The following MAPKAP1 variants were observed in gnomAD, a reference collection of about 807,000 sequenced individuals.
MAPKAP1 encodes MAPK associated protein 1.
Under a neutral mutation model 65.7 loss-of-function variants are expected in MAPKAP1, and 20 were observed. The ratio of observed to expected loss-of-function variants is 0.30; its 90% CI spans 0.21 to 0.44. MAPKAP1 has a LOEUF of 0.44. Among genes scored for constraint, MAPKAP1 ranks in the 20% least tolerant of loss-of-function variants. The probability of loss-of-function intolerance (pLI) is 1.00; values close to 1 mark genes in which losing one functional copy is unlikely to be tolerated. For synonymous variants in MAPKAP1, 222 were observed against 244.3 expected, an observed-to-expected ratio of 0.91 and a Z score of 0.85; for missense variants, 423 against 648.0, an observed-to-expected ratio of 0.65 and a Z score of 3.77.
At chr9:125,449,522 T>C (rs1282023274) in intron 10 of MAPKAP1, among the ~76,000 whole-genome samples, 2 of 152,224 alleles carry the variant, frequency 1.3e-5, no homozygotes, top group East Asian at 3.8e-4. Flanking sequence ...TCAGGGCAGA[T>C]ACTGAAACTG....
intron 4 of MAPKAP1, among the ~76,000 whole-genome samples, chr9:125,602,509 C>T (rs1832327538): frequency 3.9e-5 from 6 of 152,004 alleles, no homozygotes; most frequent in Admixed American, 3.9e-4. Flanking sequence ...ATAATACAAA[C>T]TGTCAGACAA....
intron 4 of MAPKAP1, among the ~76,000 whole-genome samples, chr9:125,640,791 C>G (rs184363379): frequency 3.9e-5 from 6 of 152,310 alleles, no homozygotes; most frequent in Admixed American, 3.9e-4. Flanking sequence ...GAGTTGAGTA[C>G]TCTTCTAGAA....
intron 3 of MAPKAP1, among the ~76,000 whole-genome samples, chr9:125,661,453 T>C (rs1467807566): frequency 1.3e-5 from 2 of 152,218 alleles, no homozygotes; most frequent in African/African-American, 2.4e-5. Context: ...CACTGGTACA[T>C]GCGTATCACA....
intron 7 of MAPKAP1, among the ~76,000 whole-genome samples, chr9:125,513,689 C>A (rs115648529): frequency 1.3e-3 from 198 of 152,292 alleles, no homozygotes; most frequent in African/African-American, 4.7e-3. Flanking sequence ...ATTGCAAATA[C>A]AGACTGAAAC....
intron 4 of MAPKAP1, among the ~76,000 whole-genome samples, chr9:125,602,766 A>G (rs888066106): frequency 6.6e-6 from 1 of 152,144 alleles, no homozygotes; most frequent in African/African-American, 2.4e-5. Context: ...TCCTGTGAGG[A>G]TCGCTCATTC....
intron 4 of MAPKAP1, among the ~76,000 whole-genome samples, chr9:125,638,123 G>C (rs920133185): frequency 2.0e-5 from 3 of 152,156 alleles, no homozygotes; most frequent in African/African-American, 7.2e-5. Context: ...AATTAAAATT[G>C]GAAAGTGTCT....
chr9:125,692,762 C>T (rs1212952874), intron 1 of MAPKAP1, among the ~76,000 whole-genome samples: 1 of 152,112 alleles, frequency 6.6e-6, no homozygotes, highest in African/African-American at 2.4e-5. Flanking sequence ...AGGATACCAA[C>T]AAAGTACCTA....
chr9:125,490,413 C>T (rs1044498809), intron 8 of MAPKAP1, among the ~76,000 whole-genome samples: 1 of 152,064 alleles, frequency 6.6e-6, no homozygotes, highest in Non-Finnish European at 1.5e-5. Flanking sequence ...GTGGCATACG[C>T]CTGTAATCTT....
chr9:125,606,873 G>A (rs965721953), intron 4 of MAPKAP1, among the ~76,000 whole-genome samples: 1 of 152,180 alleles, frequency 6.6e-6, no homozygotes, highest in East Asian at 1.9e-4. Flanking sequence ...TAGGGGCATG[G>A]AGCTAGGGGA....
At chr9:125,545,257 G>A (rs1411289824) in intron 6 of MAPKAP1, among the ~76,000 whole-genome samples, 1 of 152,194 alleles carries the variant, frequency 6.6e-6, no homozygotes, top group African/African-American at 2.4e-5. Flanking sequence ...ACTATATTTA[G>A]GGAGCGATGC....
chr9:125,582,591 T>C (rs1221396176), intron 5 of MAPKAP1, among the ~76,000 whole-genome samples: 2 of 152,164 alleles, frequency 1.3e-5, no homozygotes, highest in Admixed American at 6.5e-5. Flanking sequence ...AGGGATAACA[T>C]AAACCCAGCC....
At chr9:125,461,304 T>C (rs79491513) in intron 10 of MAPKAP1, among the ~76,000 whole-genome samples, 2 of 152,284 alleles carry the variant, frequency 1.3e-5, no homozygotes, top group East Asian at 3.9e-4. Flanking sequence ...CCTAAACCCA[T>C]CTCCCCGGCA....
intron 7 of MAPKAP1, among the ~76,000 whole-genome samples, chr9:125,514,043 C>T (rs1358856621): frequency 3.9e-5 from 6 of 152,152 alleles, no homozygotes; most frequent in East Asian, 3.9e-4. Context: ...GGACACGTGA[C>T]GCTGGGTCTG....
At chr9:125,625,692 G>T (rs1040592130) in intron 4 of MAPKAP1, among the ~76,000 whole-genome samples, 2 of 152,158 alleles carry the variant, frequency 1.3e-5, no homozygotes, top group African/African-American at 4.8e-5. Flanking sequence ...TTACTTGGGA[G>T]ACTGAGGCAC....
rs1163185387 is a variant in MAPKAP1 at position 125,707,179 on chromosome 9, G to C, written c.-278C>G. 5.0e-6 allele frequency: 2 copies of C among 398,052 alleles called. No homozygotes were observed. Among genetic ancestry groups the C allele is most frequent in the Non-Finnish European group, 8.9e-6 (2 of 225,764 alleles). The allele number at this position is 398,052 out of a possible 1,614,324, so 24.7% of individuals were successfully genotyped here. A position where few individuals can be genotyped will look rare whatever the true frequency, so the allele number is the denominator to read the frequency against. On this transcript the variant is annotated 5_prime_UTR_variant, in exon 1 of 12. Transcript: ENST00000265960. Reference sequence around the variant, plus strand: ...CTCGCCGCCGCCGGCCGGCCGAGCAGCAGCCCTATTACCCCGAGCCGCACA... The same window carrying C: ...CTCGCCGCCGCCGGCCGGCCGAGCACCAGCCCTATTACCCCGAGCCGCACA...
At chr9:125,455,614 G>A (rs1216397620) in intron 10 of MAPKAP1, among the ~76,000 whole-genome samples, 1 of 151,054 alleles carries the variant, frequency 6.6e-6, no homozygotes, top group Non-Finnish European at 1.5e-5. Flanking sequence ...TTTTCCTTTG[G>A]TTGAGGGAAT....
rs753334063 is a variant in MAPKAP1, at chr9:125,585,530, A to G, written c.671+25T>C. 6.8e-6 allele frequency: 11 copies of G among 1,608,840 alleles called. No individual in the cohort carries two copies. In the East Asian group the frequency reaches 2.2e-4, roughly 33 times the overall value. On this transcript the variant is annotated intron_variant, in intron 5 of 11. Transcript: ENST00000265960. The stretch of plus-strand genomic sequence containing the variant: ...TGGCCAAAAGACCACAAGAAACTAG[A>G]GCAGCCAAAAAGAGAATGGATTACT...
At chr9:125,534,709 A>C (rs923316184) in intron 7 of MAPKAP1, among the ~76,000 whole-genome samples, 3 of 152,178 alleles carry the variant, frequency 2.0e-5, no homozygotes, top group African/African-American at 7.2e-5. Flanking sequence ...TGCCATCAGA[A>C]TAAAGTTCAT....
At position 125,686,522 on chromosome 9, in the gene MAPKAP1, C is replaced by G. The variant is rs187374215; in HGVS notation, c.-69-13879G>C. ...GAACTATATGAAGGGACTTTCAGCT[C>G]TTAAATTCCATTCCAGTCACTTGTG... On this transcript the variant is annotated intron_variant, in intron 1 of 11. Transcript: ENST00000265960. Among the ~76,000 whole-genome samples, 13 of 152,256 alleles carry G rather than the reference C, an allele frequency of 8.5e-5. 1 individual carries two copies. Among genetic ancestry groups the G allele is most frequent in the African/African-American group, 2.9e-4 (12 of 41,562 alleles).
Sources: gnomAD v4.1 joint callset for allele counts (sites outside exome capture counted in the v4.1 genomes callset) on GRCh38, gnomAD v4.1.1 for gene constraint, MANE v1.5 for transcripts, NCBI Gene and HGNC (gene_info 2026-07-23, HGNC 2026-07-21) for gene names.